Variants in EPS8 observed in about 807,000 individuals in gnomAD.
EPS8 encodes the protein EGFR pathway substrate 8, signaling adaptor, also known as epidermal growth factor receptor kinase substrate 8.
EPS8 carries 42 observed loss-of-function variants against 103.8 expected under a neutral mutation model. The ratio of observed to expected loss-of-function variants is 0.40; its 90% CI spans 0.32 to 0.52. The LOEUF (loss-of-function observed/expected upper bound fraction) is 0.52, where lower values mean the gene tolerates loss of function less well. Among genes scored for constraint, EPS8 ranks in the 20% least tolerant of loss-of-function variants. The pLI is 0.40. For synonymous variants in EPS8, 344 were observed against 344.6 expected (o/e 1.00, Z 0.02); for missense variants, 969 against 1,005.1 (o/e 0.96, Z 0.49).
chr12:15,682,781 T>A, intron 2 of EPS8, 112 bp downstream of exon 2: 1 of 632,704 alleles, frequency 1.6e-6, no homozygotes, highest in Non-Finnish European at 2.8e-6. Flanking sequence ...TAATGAGGAA[T>A]GAACTACTGA....
In EPS8 at chr12:15,623,418, C is replaced by A. The variant is rs1591795452; in HGVS notation, c.2226-131G>T. 4 of 708,986 alleles carry A rather than the reference C, an allele frequency of 5.6e-6. No homozygotes were observed. The East Asian group carries it at 1.1e-4, about 19-fold the overall frequency. The allele number at this position is 708,986 out of a possible 1,614,324, so 43.9% of individuals were successfully genotyped here. A position where few individuals can be genotyped will look rare whatever the true frequency, so the allele number is the denominator to read the frequency against. On this transcript the variant is annotated intron_variant, in intron 19 of 20. Coordinates refer to ENST00000281172, the MANE Select transcript of EPS8 (RefSeq NM_004447.6). ...CATACCCTGGAACCCTTATTAAATG[C>A]CACTACAGTCTTTATAGTTAGGGCA...
rs764384148 is a variant in EPS8, at chr12:15,620,437, C to T, written c.*880G>A. The T allele has an allele frequency of 6.6e-6, 1 of 152,598 alleles. No individual in the cohort carries two copies. Among genetic ancestry groups the T allele is most frequent in the Admixed American group, 6.5e-5 (1 of 15,278 alleles). 9.5% of individuals were successfully genotyped at this position (152,598 alleles called of 1,614,324 possible). On this transcript the variant is annotated 3_prime_UTR_variant, in exon 21 of 21. Transcript: ENST00000281172. ...TAAAATATGTGTAAATTAAGTGCTT[C>T]TTATTACCAGAAATACTTGACACAG...
Position 15,776,610 on chromosome 12 carries a change from G to A in EPS8, c.-22+12551C>T, listed in dbSNP as rs1446186450. Among the ~76,000 whole-genome samples the A allele has an allele frequency of 6.6e-6, 1 of 152,156 alleles. No homozygotes were observed. Among genetic ancestry groups the A allele is most frequent in the Non-Finnish European group, 1.5e-5 (1 of 68,028 alleles). ...GCAAGAATAGGAATTTCCACATTCAGAACTGTCTTTTATTTTGCAGTTATT... is the reference window on the plus strand; with the variant it reads ...GCAAGAATAGGAATTTCCACATTCAAAACTGTCTTTTATTTTGCAGTTATT... On this transcript the variant is annotated intron_variant, in intron 1 of 20. Transcript: ENST00000281172. The surrounding 1 kb of genome is among the most constrained non-coding windows in gnomAD (Gnocchi z 4.2).
intron 17 of EPS8, among the ~76,000 whole-genome samples, chr12:15,634,572 T>C (rs1301789590): frequency 6.6e-6 from 1 of 152,204 alleles, no homozygotes; most frequent in Non-Finnish European, 1.5e-5. Context: ...TGTTCTTAAA[T>C]ATTTAACCTA....
intron 1 of EPS8, among the ~76,000 whole-genome samples, chr12:15,746,051 T>C (rs889738811): frequency 1.3e-5 from 2 of 152,132 alleles, no homozygotes; most frequent in Non-Finnish European, 2.9e-5. Context: ...TACGATTATA[T>C]CATCAGGCCA....
At position 15,771,622 on chromosome 12, in the gene EPS8, A is replaced by AG. The variant is rs1424374467; in HGVS notation, c.-22+17538dup. ...AGTTGCATATGGCAGGTAAAGGAGAAGGGGGGTCATGGATGTGTTCTTCTA... is the reference window on the plus strand; with the variant it reads ...AGTTGCATATGGCAGGTAAAGGAGAAGGGGGGGTCATGGATGTGTTCTTCTA... On this transcript the variant is annotated intron_variant, in intron 1 of 20. Coordinates refer to ENST00000281172, the MANE Select transcript of EPS8 (RefSeq NM_004447.6). This position sits in a 1 kb window ranked among gnomAD's most constrained non-coding sequence, Gnocchi z 4.6. Among the ~76,000 whole-genome samples, 1 of 152,038 alleles carries AG rather than the reference A, an allele frequency of 6.6e-6. No individual in the cohort carries two copies. Among genetic ancestry groups the AG allele is most frequent in the African/African-American group, 2.4e-5 (1 of 41,404 alleles).
intron 1 of EPS8, among the ~76,000 whole-genome samples, chr12:15,694,786 AT>A (rs1946221463): frequency 6.6e-6 from 1 of 152,232 alleles, no homozygotes; most frequent in African/African-American, 2.4e-5. Context: ...AATGGAAAAA[AT>A]AATTGAGCCT....
Position 15,624,288 on chromosome 12 carries a change from T to C in EPS8, c.2164A>G (p.Thr722Ala). 1.2e-6 allele frequency: 2 copies of C among 1,613,878 alleles called. No individual in the cohort carries two copies. The change falls in exon 19 of 21, where the codon ACT (threonine) becomes GCT (alanine). Residue 722 changes from threonine to alanine, a missense_variant. Thr to Ala is a moderately conservative substitution (Grantham distance 58). Coordinates refer to ENST00000281172, the MANE Select transcript of EPS8 (RefSeq NM_004447.6). ...ACATCCTCTGGTGTGGAGTCGTAAG[T>C]GATATTGATAACTGGCACGTTCTGC... The part of the protein sequence containing the change: ...PRQNVPVINI[T>A]YDSTPEDVKT...
At chr12:15,729,721 G>A (rs952109058) in intron 1 of EPS8, among the ~76,000 whole-genome samples, 1 of 152,106 alleles carries the variant, frequency 6.6e-6, no homozygotes, top group Non-Finnish European at 1.5e-5. Context: ...TCTTCTCAAT[G>A]TTGGAGATTT....
intron 1 of EPS8, among the ~76,000 whole-genome samples, chr12:15,686,224 CCTT>C (rs1395475017): frequency 1.4e-4 from 21 of 152,248 alleles, no homozygotes; most frequent in Non-Finnish European, 2.2e-4. Context: ...CATATTTTCT[CCTT>C]CTTAAGTATT....
intron 18 of EPS8, among the ~76,000 whole-genome samples, chr12:15,629,800 T>C (rs1036158772): frequency 9.9e-5 from 15 of 152,196 alleles, no homozygotes; most frequent in Admixed American, 3.9e-4. Context: ...TGTTAAATAG[T>C]AATAGTTTTA....
rs2136044537 is a variant in EPS8 at position 15,772,240 on chromosome 12, G to A, written c.-22+16921C>T. On this transcript the variant is annotated intron_variant, in intron 1 of 20. Transcript: ENST00000281172. The surrounding 1 kb of genome is among the most constrained non-coding windows in gnomAD (Gnocchi z 5.0). ...GTCATTTGGATAAAAGTCACTCCAAGTAGAGAGACAGAAAGAGATGAGGGG... is the reference window on the plus strand; with the variant it reads ...GTCATTTGGATAAAAGTCACTCCAAATAGAGAGACAGAAAGAGATGAGGGG... Among the ~76,000 whole-genome samples the A allele has an allele frequency of 6.6e-6, 1 of 152,178 alleles. No individual in the cohort carries two copies. Among genetic ancestry groups the A allele is most frequent in the South Asian group, 2.1e-4 (1 of 4,812 alleles).
intron 3 of EPS8, among the ~76,000 whole-genome samples, chr12:15,680,207 GA>G (rs1449219477): frequency 6.6e-6 from 1 of 152,076 alleles, no homozygotes; most frequent in African/African-American, 2.4e-5. Context: ...AACATAGGTA[GA>G]AAAACAATCA....
At chr12:15,647,542 C>T (rs1945341033) in intron 14 of EPS8, among the ~76,000 whole-genome samples, 1 of 152,160 alleles carries the variant, frequency 6.6e-6, no homozygotes, top group Non-Finnish European at 1.5e-5. Context: ...CAACTGAACC[C>T]TATGCATTAA....
chr12:15,665,809 T>C lies in EPS8; in HGVS notation c.683A>G (p.Asp228Gly). 2 of 1,613,654 alleles carry C rather than the reference T, an allele frequency of 1.2e-6. No individual in the cohort carries two copies. The highest frequency in any genetic ancestry group is 8.5e-7 in the Non-Finnish European group (1 of 1,179,836). The change falls in exon 8 of 21, where the codon GAT becomes GGT. Residue 228 changes from aspartate (D) to glycine (G), a missense_variant. Asp to Gly is a moderately conservative substitution (Grantham distance 94, BLOSUM62 -1). Transcript: ENST00000281172. ...PAPPGTVTQV[D>G]VRSRVAAWSA... is the part of the protein sequence containing the mutation. ...CCAGGCTGCCACTCGACTTCTAACATCCACCTGGGTGACGGTCCCAGGGGG... is the reference window on the plus strand; with the variant it reads ...CCAGGCTGCCACTCGACTTCTAACACCCACCTGGGTGACGGTCCCAGGGGG...
intron 1 of EPS8, among the ~76,000 whole-genome samples, chr12:15,710,100 C>CT (rs1946442046): frequency 6.6e-6 from 1 of 151,664 alleles, no homozygotes; most frequent in Admixed American, 6.6e-5. Flanking sequence ...TGGGGGACCC[C>CT]TGGCTTAAGG....
At chr12:15,782,128 A>T (rs769193310) in intron 1 of EPS8, 5 of 152,214 alleles carry the variant, frequency 3.3e-5, no homozygotes, top group Non-Finnish European at 7.3e-5. Flanking sequence ...TTTGAACTAC[A>T]TGGGTCCACT....
In EPS8 at chr12:15,733,344, AACTC is replaced by A. The variant is rs2135996410; in HGVS notation, c.-21-50376_-21-50373del. ...TAATAAAACCATCAGATCTCATGAG[AACTC>A]ACTCTCTATCGTGAGAACAGCATGG... On this transcript the variant is annotated intron_variant, in intron 1 of 20. Coordinates refer to ENST00000281172, the MANE Select transcript of EPS8 (RefSeq NM_004447.6). This position sits in a 1 kb window ranked among gnomAD's most constrained non-coding sequence, Gnocchi z 4.8. Among the ~76,000 whole-genome samples, 1 of 152,228 alleles carries A rather than the reference AACTC, an allele frequency of 6.6e-6. No individual in the cohort carries two copies. The highest frequency in any genetic ancestry group is 1.9e-4 in the East Asian group (1 of 5,172).
chr12:15,765,511 A>C (rs773578524), intron 1 of EPS8, among the ~76,000 whole-genome samples: 2 of 152,174 alleles, frequency 1.3e-5, no homozygotes, highest in Non-Finnish European at 2.9e-5. Context: ...AGAAAGAGAG[A>C]AGAAAGGATC....
Sources: allele counts gnomAD v4.1 joint callset (sites outside exome capture counted in the v4.1 genomes callset), GRCh38; gene constraint gnomAD v4.1.1; non-coding constraint Gnocchi (gnomAD v3.1); transcripts MANE v1.5; gene names NCBI Gene and HGNC (gene_info 2026-07-23, HGNC 2026-07-21).